PRTG: variants seen among roughly 807,000 people sequenced by gnomAD.
PRTG encodes the protein protogenin, also known as immunoglobulin superfamily, DCC subclass, member 5.
PRTG carries 67 observed loss-of-function variants against 122.5 expected under a neutral mutation model. The observed-to-expected ratio is 0.55, with a 90% confidence interval of 0.45 to 0.67. The LOEUF (loss-of-function observed/expected upper bound fraction) is 0.67, where lower values mean the gene tolerates loss of function less well. Among genes scored for constraint, PRTG ranks in the 30% least tolerant of loss-of-function variants. PRTG has a pLI of 0.00. For missense variants in PRTG, 1,435 were observed against 1,415.4 expected (o/e 1.01, Z -0.22); for synonymous variants, 554 against 501.1 (o/e 1.11, Z -1.41).
At chr15:55,713,599 G>C (rs980740648) in intron 2 of PRTG, among the ~76,000 whole-genome samples, 3 of 152,108 alleles carry the variant, frequency 2.0e-5, no homozygotes, top group Non-Finnish European at 2.9e-5. Context: ...GAAATCACAG[G>C]TGTTAAAATT....
intron 1 of PRTG, 137 bp downstream of exon 1, chr15:55,742,701 C>CG (rs1358006767): frequency 8.7e-6 from 9 of 1,034,938 alleles, no homozygotes; most frequent in Non-Finnish European, 1.1e-5. Context: ...AGGGCGAGAG[C>CG]GGGGGCCGGG....
At chr15:55,668,658 T>C (rs1393068508) in intron 11 of PRTG, among the ~76,000 whole-genome samples, 2 of 152,154 alleles carry the variant, frequency 1.3e-5, no homozygotes, top group African/African-American at 4.8e-5. Context: ...AGTCTAATGC[T>C]TTTTTCCAAC....
intron 11 of PRTG, among the ~76,000 whole-genome samples, chr15:55,657,585 G>A (rs954690842): frequency 1.3e-5 from 2 of 152,082 alleles, no homozygotes; most frequent in Admixed American, 1.3e-4. Context: ...AACATACAGC[G>A]TTTTTCTGGA....
chr15:55,686,671 C>A (rs1357280011), intron 2 of PRTG, among the ~76,000 whole-genome samples: 2 of 152,164 alleles, frequency 1.3e-5, no homozygotes, highest in East Asian at 3.8e-4. Context: ...AACCATGAAT[C>A]TGTGTTGCTG....
chr15:55,639,326 C>G (rs1179712754), intron 13 of PRTG, among the ~76,000 whole-genome samples: 1 of 152,144 alleles, frequency 6.6e-6, no homozygotes, highest in African/African-American at 2.4e-5. Flanking sequence ...TGACTGCCAG[C>G]ATGAAAATAG....
At chr15:55,661,877 G>T (rs1358206104) in intron 11 of PRTG, among the ~76,000 whole-genome samples, 4 of 126,586 alleles carry the variant, frequency 3.2e-5, no homozygotes, top group Non-Finnish European at 5.0e-5. Context: ...GGAAGAAAAA[G>T]AAATCTTGCT....
Position 55,624,365 on chromosome 15 carries a change from G to A in PRTG, c.3070C>T (p.Pro1024Ser). ...ACCTTTGCATCAATGAAGCTGTTTG[G>A]CATGATCATTGGCATTAAAGATTCT... is the stretch of plus-strand genomic sequence containing the variant. ...NEESLMPMIM[P>S]NSFIDAKGGT... Residue 1024 changes from proline to serine, a missense_variant, in exon 18 of 20, where the codon CCA (proline) becomes TCA (serine). Physicochemically the swap from Pro to Ser is moderately conservative, Grantham distance 74. Transcript: ENST00000389286. The A allele has an allele frequency of 1.2e-6, 2 of 1,613,990 alleles. No individual in the cohort carries two copies. The highest frequency in any genetic ancestry group is 1.7e-6 in the Non-Finnish European group (2 of 1,179,942).
At position 55,619,160 on chromosome 15, in the gene PRTG, G is replaced by A. The variant is rs975842887; in HGVS notation, c.*852C>T. ...GGTAGAAAAGGCACAGTTCTGGGCA[G>A]CTTGAGGTTTGGGATATAGGAGATA... On this transcript the variant is annotated 3_prime_UTR_variant, in exon 20 of 20. Transcript: ENST00000389286. 1 of 152,200 alleles carries A rather than the reference G, an allele frequency of 6.6e-6. No homozygotes were observed. The highest frequency in any genetic ancestry group is 2.4e-5 in the African/African-American group (1 of 41,454). The allele number at this position is 152,200 out of a possible 1,614,324, so 9.4% of individuals were successfully genotyped here.
At chr15:55,641,964 G>A (rs1216858752) in intron 11 of PRTG, among the ~76,000 whole-genome samples, 8 of 149,888 alleles carry the variant, frequency 5.3e-5, no homozygotes, top group Admixed American at 2.7e-4. Context: ...CATGAGGTCA[G>A]GAGATCGAGA....
chr15:55,693,986 C>T (rs548553967), intron 2 of PRTG, among the ~76,000 whole-genome samples: 5 of 152,074 alleles, frequency 3.3e-5, no homozygotes, highest in South Asian at 2.1e-4. Context: ...AATTTTTTTC[C>T]GTTATTTTCT....
chr15:55,702,487 T>C (rs1396689531), intron 2 of PRTG, among the ~76,000 whole-genome samples: 3 of 152,200 alleles, frequency 2.0e-5, no homozygotes, highest in Non-Finnish European at 4.4e-5. Flanking sequence ...TGGATTCAAT[T>C]CAGTCATCAC....
At chr15:55,723,916 T>C (rs1358210032) in intron 2 of PRTG, among the ~76,000 whole-genome samples, 2 of 151,998 alleles carry the variant, frequency 1.3e-5, no homozygotes, top group African/African-American at 2.4e-5. Context: ...CACACCTAGC[T>C]AATTGTTTGT....
chr15:55,681,592 T>C (rs955614839), intron 4 of PRTG: 8 of 152,176 alleles, frequency 5.3e-5, no homozygotes, highest in African/African-American at 1.7e-4. Flanking sequence ...ATTGAGGATA[T>C]TTTTTAACTT....
chr15:55,738,707 T>C (rs754579892), intron 2 of PRTG: 4 of 351,674 alleles, frequency 1.1e-5, no homozygotes, highest in Non-Finnish European at 1.5e-5. Flanking sequence ...TATTGGCCAA[T>C]GATTACGGGG....
At chr15:55,720,076 A>G (rs1219781529) in intron 2 of PRTG, among the ~76,000 whole-genome samples, 1 of 149,442 alleles carries the variant, frequency 6.7e-6, no homozygotes, top group African/African-American at 2.5e-5. Flanking sequence ...AAAAGAAAAG[A>G]AAAGAAAAGA....
chr15:55,697,967 T>C (rs1243740170), intron 2 of PRTG, among the ~76,000 whole-genome samples: 2 of 152,198 alleles, frequency 1.3e-5, no homozygotes, highest in African/African-American at 2.4e-5. Flanking sequence ...CACCATTGAT[T>C]CTTCTCCTTA....
chr15:55,667,414 G>T (rs1175487659), intron 11 of PRTG, among the ~76,000 whole-genome samples: 1 of 151,782 alleles, frequency 6.6e-6, no homozygotes, highest in Admixed American at 6.6e-5. Context: ...TGAAGTATTG[G>T]TTTCTAAATT....
intron 15 of PRTG, among the ~76,000 whole-genome samples, chr15:55,636,302 T>G (rs888096751): frequency 6.6e-6 from 1 of 152,074 alleles, no homozygotes; most frequent in African/African-American, 2.4e-5. Flanking sequence ...CGGGTCAATT[T>G]TTTTTTTCAT....
chr15:55,640,911 G>A lies in PRTG; in HGVS notation c.2137+202C>T, dbSNP rs538281465. On this transcript the variant is annotated intron_variant, in intron 12 of 19. Transcript: ENST00000389286. ...GTGGTGCCTGTAGTCCCAGCTACTC[G>A]AGAGGCTGAGGCAGGAGAATCGCTT... Among the ~76,000 whole-genome samples the A allele has an allele frequency of 2.6e-5, 4 of 151,190 alleles. No individual in the cohort carries two copies. The South Asian group carries it at 6.3e-4, about 24-fold the overall frequency.
Sources: allele counts gnomAD v4.1 joint callset (sites outside exome capture counted in the v4.1 genomes callset), GRCh38; gene constraint gnomAD v4.1.1; transcripts MANE v1.5; gene names NCBI Gene and HGNC (gene_info 2026-07-23, HGNC 2026-07-21).